The following CYTH1 variants were observed in gnomAD, a reference collection of about 807,000 sequenced individuals.
CYTH1 encodes cytohesin 1, also known as cytohesin-1.
A neutral mutation model predicts 61.8 loss-of-function variants in CYTH1; 18 were observed. The ratio of observed to expected loss-of-function variants is 0.29; its 90% CI spans 0.20 to 0.43. The LOEUF is 0.43. CYTH1 is among the 20% of genes least tolerant of loss of function. The probability of loss-of-function intolerance (pLI) is 1.00; values close to 1 mark genes in which losing one functional copy is unlikely to be tolerated. For missense variants in CYTH1, 336 were observed against 510.5 expected (o/e 0.66, Z 3.29); for synonymous variants, 174 against 184.3 (o/e 0.94, Z 0.45).
chr17:78,709,600 A>G (rs759989599), intron 2 of CYTH1, 50 bp downstream of exon 2: 1 of 1,593,882 alleles, frequency 6.3e-7, no homozygotes, highest in Admixed American at 1.7e-5. Context: ...TACAAATGGA[A>G]CTGTCACTGT....
chr17:78,750,871 G>A (rs956219921), intron 1 of CYTH1, among the ~76,000 whole-genome samples: 2 of 152,008 alleles, frequency 1.3e-5, no homozygotes, highest in Non-Finnish European at 2.9e-5. Flanking sequence ...TGCTCCTAGG[G>A]GAAATACAGG....
chr17:78,753,609 A>T (rs972905974), intron 1 of CYTH1, among the ~76,000 whole-genome samples: 1 of 152,238 alleles, frequency 6.6e-6, no homozygotes, highest in African/African-American at 2.4e-5. Flanking sequence ...AGGGAATCTA[A>T]CAGTAGATTA....
At chr17:78,684,744 T>A (rs1319750824) in intron 11 of CYTH1, among the ~76,000 whole-genome samples, 1 of 152,212 alleles carries the variant, frequency 6.6e-6, no homozygotes, top group African/African-American at 2.4e-5. Context: ...TCGAGTGGTA[T>A]TATTTTCATA....
chr17:78,757,342 A>C (rs1183129289), intron 1 of CYTH1, among the ~76,000 whole-genome samples: 1 of 152,132 alleles, frequency 6.6e-6, no homozygotes, highest in Non-Finnish European at 1.5e-5. Flanking sequence ...AAACCCTCCT[A>C]TGAATTAAAC....
In CYTH1 at chr17:78,781,609, C is replaced by T. The variant is rs569024719; in HGVS notation, c.22+593G>A. Among the ~76,000 whole-genome samples the T allele has an allele frequency of 2.9e-3, 439 of 152,202 alleles. 2 individuals are homozygous for T. The highest frequency in any genetic ancestry group is 9.9e-3 in the African/African-American group (410 of 41,540). On this transcript the variant is annotated intron_variant, in intron 1 of 13. Transcript: ENST00000446868. ...GCGGGCAGGGCCGTCCCGGAGCCCG[C>T]GCCTCGCCGGCGGCGCCGCTCCCCG...
At chr17:78,764,266 G>A (rs1567881878) in intron 1 of CYTH1, among the ~76,000 whole-genome samples, 1 of 145,498 alleles carries the variant, frequency 6.9e-6, no homozygotes, top group Non-Finnish European at 1.5e-5. Flanking sequence ...GCACTATCTC[G>A]GCTCAATGAA....
intron 1 of CYTH1, among the ~76,000 whole-genome samples, chr17:78,744,988 T>C (rs2093354418): frequency 6.6e-6 from 1 of 152,182 alleles, no homozygotes; most frequent in South Asian, 2.1e-4. Context: ...ACTGATCTTA[T>C]TTAGTTTCTA....
intron 1 of CYTH1, among the ~76,000 whole-genome samples, chr17:78,722,329 C>A (rs965296941): frequency 6.6e-6 from 1 of 152,232 alleles, no homozygotes. Context: ...CACTCCACTG[C>A]TGTTTCGAAA....
At chr17:78,677,290 G>T in intron 13 of CYTH1, 1 of 359,008 alleles carries the variant, frequency 2.8e-6, no homozygotes, top group Non-Finnish European at 5.5e-6. Flanking sequence ...TAAGCTGGGG[G>T]GTTCTGCAGA....
Position 78,707,590 on chromosome 17 carries a change from C to T in CYTH1, c.170+607G>A, listed in dbSNP as rs546499848. ...AAGGAAAAACAGAAACTTTAAAATG[C>T]ACACCGACAGTGGACAACAGAGGGG... On this transcript the variant is annotated intron_variant, in intron 3 of 13. Transcript: ENST00000446868. 4.1e-4 allele frequency among the ~76,000 whole-genome samples: 63 copies of T among 152,118 alleles called. 1 individual carries two copies. Among genetic ancestry groups the T allele is most frequent in the African/African-American group, 1.4e-3 (57 of 41,496 alleles).
intron 1 of CYTH1, among the ~76,000 whole-genome samples, chr17:78,720,598 C>T (rs1202039427): frequency 2.0e-5 from 3 of 152,146 alleles, no homozygotes; most frequent in African/African-American, 4.8e-5. Flanking sequence ...GAATTACAGG[C>T]GTGAGCCATC....
rs1032431632 is a variant in CYTH1 at position 78,778,691 on chromosome 17, A to G, written c.22+3511T>C. ...GAAAAAGTTTAATTAGGCCTGGCAC[A>G]GTGACTCAACCCAACACTTTCAGAG... On this transcript the variant is annotated intron_variant, in intron 1 of 13. Transcript: ENST00000446868. 2.0e-5 allele frequency among the ~76,000 whole-genome samples: 3 copies of G among 151,682 alleles called. No individual in the cohort carries two copies. The South Asian group carries it at 6.2e-4, about 32-fold the overall frequency.
chr17:78,709,372 A>G (rs1231677493), intron 2 of CYTH1: 1 of 382,958 alleles, frequency 2.6e-6, no homozygotes, highest in Non-Finnish European at 4.7e-6. Context: ...CACAGCAGAG[A>G]GGACTACTCA....
At chr17:78,737,352 A>C (rs1192786784) in intron 1 of CYTH1, among the ~76,000 whole-genome samples, 1 of 152,238 alleles carries the variant, frequency 6.6e-6, no homozygotes, top group Non-Finnish European at 1.5e-5. Context: ...AAAAGAAAAA[A>C]GTCTGTATGT....
In CYTH1 at chr17:78,770,465, C is replaced by T. The variant is rs1305906755; in HGVS notation, c.22+11737G>A. 2.6e-5 allele frequency among the ~76,000 whole-genome samples: 4 copies of T among 151,222 alleles called. No homozygotes were observed. In the East Asian group the frequency reaches 7.9e-4, roughly 30 times the overall value. On this transcript the variant is annotated intron_variant, in intron 1 of 13. Coordinates refer to ENST00000446868, the MANE Select transcript of CYTH1 (RefSeq NM_004762.6). The stretch of plus-strand genomic sequence containing the variant: ...ACGGAGCCTCACTCTGTCACCCAGG[C>T]GGGAGTGCAGTGGTGTGACCTCGGC...
intron 1 of CYTH1, among the ~76,000 whole-genome samples, chr17:78,769,256 C>A (rs1218946978): frequency 6.6e-6 from 1 of 152,004 alleles, no homozygotes; most frequent in African/African-American, 2.4e-5. Context: ...TGAAGCCCCC[C>A]ATAACTGTCC....
At chr17:78,677,674 A>T (rs1285320110) in intron 13 of CYTH1, 1 of 152,392 alleles carries the variant, frequency 6.6e-6, no homozygotes, top group Non-Finnish European at 1.5e-5. Context: ...ACGCAGGGGC[A>T]CTAGAACTGA....
rs1321574841 is a variant in CYTH1 at position 78,709,727 on chromosome 17, T to C, written c.28A>G (p.Ser10Gly). ...TGACGCTCCTCTGCTGTCAGGTCACTGGGAACTACAAAAATGGAGGGCAAT... is the reference window on the plus strand; with the variant it reads ...TGACGCTCCTCTGCTGTCAGGTCACCGGGAACTACAAAAATGGAGGGCAAT... MEEDDSYVP[S>G]DLTAEERQEL... Residue 10 changes from serine to glycine, a missense_variant, in exon 2 of 14, where the codon AGT (serine) becomes GGT (glycine). Physicochemically the swap from Ser to Gly is moderately conservative, Grantham distance 56. Around this residue, in one of 4 missense-constraint regions of CYTH1, gnomAD observed 112 missense variants for 127.1 expected, o/e 0.88. Coordinates refer to ENST00000446868, the MANE Select transcript of CYTH1 (RefSeq NM_004762.6). 5 of 1,613,990 alleles carry C rather than the reference T, an allele frequency of 3.1e-6. No individual in the cohort carries two copies. The highest frequency in any genetic ancestry group is 4.2e-6 in the Non-Finnish European group (5 of 1,179,950).
At chr17:78,707,399 A>G (rs1215567077) in intron 3 of CYTH1, among the ~76,000 whole-genome samples, 1 of 152,206 alleles carries the variant, frequency 6.6e-6, no homozygotes, top group Non-Finnish European at 1.5e-5. Flanking sequence ...AAAGGAAAAA[A>G]AAAAGCAGAG....
Sources: allele counts gnomAD v4.1 joint callset (sites outside exome capture counted in the v4.1 genomes callset), GRCh38; gene constraint gnomAD v4.1.1; regional missense constraint gnomAD v4.1.1; transcripts MANE v1.5; gene names NCBI Gene and HGNC (gene_info 2026-07-23, HGNC 2026-07-21).